FBXL15: variants seen among roughly 807,000 people sequenced by gnomAD.
The protein encoded by FBXL15 is F-box/LRR-repeat protein 15.
Under a neutral mutation model 23.6 loss-of-function variants are expected in FBXL15, and 19 were observed. The ratio of observed to expected loss-of-function variants is 0.81; its 90% CI spans 0.56 to 1.18. The LOEUF is 1.18. FBXL15 is among the 50% of genes most tolerant of loss of function. The pLI is 0.00. For missense variants in FBXL15, 385 were observed against 425.4 expected (o/e 0.91, Z 0.83); for synonymous variants, 224 against 207.7 (o/e 1.08, Z -0.67).
chr10:102,422,318 G>T, intron 3 of FBXL15, 26 bp downstream of exon 3: 2 of 1,489,070 alleles, frequency 1.3e-6, no homozygotes, highest in Non-Finnish European at 1.8e-6. Context: ...AGGGCGGGAG[G>T]AGGGCAGTCA....
intron 3 of FBXL15, 51 bp from the exon 4 acceptor site, chr10:102,422,753 C>T (rs2061577845): frequency 6.5e-7 from 1 of 1,545,526 alleles, no homozygotes; most frequent in African/African-American, 1.4e-5. Flanking sequence ...CCTTACCCCA[C>T]CAAAGGTGTG....
rs376351700 is a variant in FBXL15, at chr10:102,421,342, C to T, written c.54-12C>T. On this transcript the variant is annotated splice_polypyrimidine_tract_variant and intron_variant, in intron 1 of 3. Coordinates refer to ENST00000369956, the MANE Select transcript of FBXL15 (RefSeq NM_024326.4). ...CCCCGGGACGCCAGTGCCAACGCCC[C>T]TTTACTCGCAGGTTCCTGGACCTGC... is the stretch of plus-strand genomic sequence containing the variant. The T allele has an allele frequency of 2.1e-5, 32 of 1,553,070 alleles. No individual in the cohort carries two copies. The highest frequency in any genetic ancestry group is 2.7e-5 in the Non-Finnish European group (31 of 1,150,798).
At position 102,422,000 on chromosome 10, in the gene FBXL15, C is replaced by A; in HGVS notation, c.421C>A (p.Arg141Ser). 10 of 1,594,110 alleles carry A rather than the reference C, an allele frequency of 6.3e-6. No homozygotes were observed. The highest frequency in any genetic ancestry group is 8.5e-6 in the Non-Finnish European group (10 of 1,176,760). The stretch of plus-strand genomic sequence containing the variant: ...TGGGGCTTTGGCCGAGGGCTGCCCA[C>A]GCCTGCAGCGCCTGTCGCTCGCGCA... ...ALGALAEGCP[R>S]LQRLSLAHCD... Residue 141 changes from arginine (R) to serine (S), a missense_variant, in exon 3 of 4, where the codon CGC (arginine) becomes AGC (serine). Physicochemically the swap from Arg to Ser is moderately radical, Grantham distance 110. Coordinates refer to ENST00000369956, the MANE Select transcript of FBXL15 (RefSeq NM_024326.4).
Position 102,421,929 on chromosome 10 carries a change from G to C in FBXL15, c.350G>C (p.Arg117Pro). ...GTGCTGGCGCGGAATCCGCAGCTGC[G>C]GAGTGTGGCGTTGGGCGGCTGCGGG... ...VPVLARNPQLRSVALGGCGQL... is the reference protein window; with the variant it reads ...VPVLARNPQLPSVALGGCGQL... Residue 117 changes from arginine (R) to proline (P), a missense_variant, in exon 3 of 4, where the codon CGG (arginine) becomes CCG (proline). Arg to Pro is a moderately radical substitution (Grantham distance 103, BLOSUM62 -2). Transcript: ENST00000369956. 6.2e-7 allele frequency: 1 copy of C among 1,604,736 alleles called. No homozygotes were observed. The highest frequency in any genetic ancestry group is 1.1e-5 in the South Asian group (1 of 90,682).
intron 3 of FBXL15, among the ~76,000 whole-genome samples, chr10:102,422,580 C>CCAGGTTCCCCCCTTAAATG (rs2061576565): frequency 6.6e-6 from 1 of 152,180 alleles, no homozygotes; most frequent in Non-Finnish European, 1.5e-5. Context: ...GAGCTGAGGG[C>CCAGGTTCCCCCCTTAAATG]CAGGTTCCCC....
At chr10:102,422,498 T>C (rs1000872443) in intron 3 of FBXL15, among the ~76,000 whole-genome samples, 1 of 152,176 alleles carries the variant, frequency 6.6e-6, no homozygotes, top group Non-Finnish European at 1.5e-5. Context: ...TGTTTACACA[T>C]TGGGAGATTT....
Position 102,422,921 on chromosome 10 carries a change from G to T in FBXL15, c.831G>T (p.Pro277=). The T allele has an allele frequency of 6.2e-7, 1 of 1,608,088 alleles. No homozygotes were observed. The highest frequency in any genetic ancestry group is 1.1e-5 in the South Asian group (1 of 90,252). ...GCGGCGTGGACATCGACGTGGAGCC[G>T]CCGCTGCACCAGGCCCTGGTGCTGC... ...RKRGVDIDVE[P]PLHQALVLLQ... is the part of the protein sequence containing the mutation. Residue 277 remains proline, a synonymous_variant, in exon 4 of 4, where the codon CCG becomes CCT. Transcript: ENST00000369956.
intron 3 of FBXL15, 77 bp downstream of exon 3, chr10:102,422,369 A>G (rs2061574799): frequency 7.1e-7 from 1 of 1,405,600 alleles, no homozygotes; most frequent in Middle Eastern, 1.9e-4. Context: ...AGTTGTTAAA[A>G]GGCCGGACTG....
Position 102,421,086 on chromosome 10 carries a change from G to A in FBXL15, c.-44G>A. The A allele has an allele frequency of 2.5e-6, 4 of 1,581,412 alleles. No homozygotes were observed. The highest frequency in any genetic ancestry group is 1.7e-6 in the Non-Finnish European group (2 of 1,162,852). ...GCGGGTTTGGTGCGGCCACTCCAAGGCCAAAGCGAGAAAATCTTACTGCGC... is the reference window on the plus strand; with the variant it reads ...GCGGGTTTGGTGCGGCCACTCCAAGACCAAAGCGAGAAAATCTTACTGCGC... On this transcript the variant is annotated 5_prime_UTR_variant, in exon 1 of 4. Transcript: ENST00000369956.
At chr10:102,421,595 C>T (rs773068342) in intron 2 of FBXL15, 88 bp downstream of exon 2, 3 of 1,427,486 alleles carry the variant, frequency 2.1e-6, no homozygotes, top group Non-Finnish European at 1.8e-6. Flanking sequence ...CCTTCTGGAC[C>T]CCCTTGGGCC....
chr10:102,420,888 C>T lies in FBXL15; in HGVS notation c.-242C>T. 2 of 1,397,812 alleles carry T rather than the reference C, an allele frequency of 1.4e-6. No individual in the cohort carries two copies. The highest frequency in any genetic ancestry group is 1.5e-5 in the South Asian group (1 of 66,414). 86.6% of individuals were successfully genotyped at this position (1,397,812 alleles called of 1,614,324 possible). On this transcript the variant is annotated 5_prime_UTR_variant, in exon 1 of 4. Transcript: ENST00000369956. The stretch of plus-strand genomic sequence containing the variant: ...GACGACAGAAGCCAGTCTCTGATGC[C>T]CACCGCATTCTCCAGCTTCAGGCCT...
Position 102,421,855 on chromosome 10 carries a change from G to A in FBXL15, c.276G>A (p.Leu92=). ...GGGATGCCGAGGGGCTGCAGGAGCT[G>A]GCACTGGCGCCGTGTCACGAATGGC... The part of the protein sequence containing the change: ...LLRDAEGLQE[L]ALAPCHEWLS... The change falls in exon 3 of 4, where the codon CTG becomes CTA. Residue 92 remains leucine, a synonymous_variant. Transcript: ENST00000369956. 1 of 1,598,412 alleles carries A rather than the reference G, an allele frequency of 6.3e-7. No homozygotes were observed. The highest frequency in any genetic ancestry group is 8.5e-7 in the Non-Finnish European group (1 of 1,176,908).
intron 3 of FBXL15, 37 bp from the exon 4 acceptor site, chr10:102,422,767 G>A: frequency 5.7e-6 from 9 of 1,570,226 alleles, no homozygotes; most frequent in Non-Finnish European, 7.7e-6. Flanking sequence ...AGGTGTGGTG[G>A]CCTCATGTCC....
Position 102,421,859 on chromosome 10 carries a change from C to G in FBXL15, c.280C>G (p.Leu94Val). ...RDAEGLQELA[L>V]APCHEWLSDE... ...TGCCGAGGGGCTGCAGGAGCTGGCACTGGCGCCGTGTCACGAATGGCTGTC... is the reference window on the plus strand; with the variant it reads ...TGCCGAGGGGCTGCAGGAGCTGGCAGTGGCGCCGTGTCACGAATGGCTGTC... The change falls in exon 3 of 4, where the codon CTG becomes GTG. Residue 94 changes from leucine (L) to valine (V), a missense_variant. By Grantham distance (32) the Leu-to-Val change is conservative (BLOSUM62 1). Coordinates refer to ENST00000369956, the MANE Select transcript of FBXL15 (RefSeq NM_024326.4). The G allele has an allele frequency of 6.2e-7, 1 of 1,600,210 alleles. No homozygotes were observed. The highest frequency in any genetic ancestry group is 2.2e-5 in the East Asian group (1 of 44,538).
rs777336612 is a variant in FBXL15 at position 102,422,101 on chromosome 10, C to T, written c.522C>T (p.Thr174=). 3.2e-6 allele frequency: 5 copies of T among 1,566,410 alleles called. No individual in the cohort carries two copies. Among genetic ancestry groups the T allele is most frequent in the Admixed American group, 3.6e-5 (2 of 54,810 alleles). ...RCPALEELDL[T]ACRQLKDEAI... is the part of the protein sequence containing the mutation. Reference sequence around the variant, plus strand: ...CGGCCCTGGAGGAGCTGGATCTCACCGCCTGCCGCCAGCTCAAGGACGAGG... The same window carrying T: ...CGGCCCTGGAGGAGCTGGATCTCACTGCCTGCCGCCAGCTCAAGGACGAGG... Residue 174 remains threonine, a synonymous_variant, in exon 3 of 4, where the codon ACC becomes ACT. Coordinates refer to ENST00000369956, the MANE Select transcript of FBXL15 (RefSeq NM_024326.4).
chr10:102,422,348 G>A, intron 3 of FBXL15, 56 bp downstream of exon 3: 1 of 1,452,242 alleles, frequency 6.9e-7, no homozygotes. Flanking sequence ...TGCTGGTATG[G>A]GGCGGGCTGT....
intron 3 of FBXL15, 109 bp from the exon 4 acceptor site, chr10:102,422,695 C>CG: frequency 8.3e-7 from 1 of 1,210,056 alleles, no homozygotes; most frequent in African/African-American, 1.5e-5. Context: ...GGAGGGAGAC[C>CG]GGGATTTTGC....
chr10:102,420,940 C>T lies in FBXL15; in HGVS notation c.-190C>T. On this transcript the variant is annotated 5_prime_UTR_variant, in exon 1 of 4. Transcript: ENST00000369956. ...AAGCCCTGTAGCCGAGAAGGCGAGG[C>T]CTAATGTTACACCACCGGTCTGTTC... 6.1e-6 allele frequency: 9 copies of T among 1,470,526 alleles called. No homozygotes were observed. Among genetic ancestry groups the T allele is most frequent in the Non-Finnish European group, 8.1e-6 (9 of 1,108,672 alleles). The allele number at this position is 1,470,526 out of a possible 1,614,324, so 91.1% of individuals were successfully genotyped here.
rs947855124 is a variant in FBXL15 at position 102,420,953 on chromosome 10, C to T, written c.-177C>T. The T allele has an allele frequency of 2.4e-5, 36 of 1,491,330 alleles. No individual in the cohort carries two copies. The African/African-American group carries it at 3.6e-4, about 15-fold the overall frequency. 92.4% of individuals were successfully genotyped at this position (1,491,330 alleles called of 1,614,324 possible). ...GAGAAGGCGAGGCCTAATGTTACAC[C>T]ACCGGTCTGTTCCGCCTCCGTTTCG... On this transcript the variant is annotated 5_prime_UTR_variant, in exon 1 of 4. Coordinates refer to ENST00000369956, the MANE Select transcript of FBXL15 (RefSeq NM_024326.4).
Sources: gnomAD v4.1 joint callset for allele counts (sites outside exome capture counted in the v4.1 genomes callset) on GRCh38, gnomAD v4.1.1 for gene constraint, MANE v1.5 for transcripts, NCBI Gene and HGNC (gene_info 2026-07-23, HGNC 2026-07-21) for gene names.